The following KCNJ15 variants were observed in gnomAD, a reference collection of about 807,000 sequenced individuals.
KCNJ15 encodes the protein potassium inwardly rectifying channel subfamily J member 15.
KCNJ15 carries 14 observed loss-of-function variants against 23.0 expected under a neutral mutation model. That is an observed-to-expected ratio of 0.61 (90% CI 0.40 to 0.95). The LOEUF (loss-of-function observed/expected upper bound fraction) is 0.95, where lower values mean the gene tolerates loss of function less well. Among genes scored for constraint, KCNJ15 ranks in the 40% least tolerant of loss-of-function variants. The pLI, the probability that KCNJ15 is intolerant of heterozygous loss-of-function variation, is 0.00. For missense variants in KCNJ15, 388 were observed against 461.8 expected (o/e 0.84, Z 1.46); for synonymous variants, 185 against 183.2 (o/e 1.01, Z -0.08).
At chr21:38,263,070 T>C (rs1022283942) in intron 1 of KCNJ15, among the ~76,000 whole-genome samples, 2 of 152,186 alleles carry the variant, frequency 1.3e-5, no homozygotes, top group African/African-American at 2.4e-5. Flanking sequence ...GATAATCTGA[T>C]TACGGAAGAC....
At chr21:38,230,951 A>T (rs1055317381) in intron 1 of KCNJ15, among the ~76,000 whole-genome samples, 3 of 152,066 alleles carry the variant, frequency 2.0e-5, no homozygotes, top group Non-Finnish European at 4.4e-5. Flanking sequence ...CAGTTTCTAC[A>T]AAATAGCCAT....
chr21:38,295,980 T>G (rs1019458834), intron 1 of KCNJ15, among the ~76,000 whole-genome samples: 1 of 151,916 alleles, frequency 6.6e-6, no homozygotes, highest in African/African-American at 2.4e-5. Flanking sequence ...ATACTTTAAC[T>G]ATAAGAGAGT....
chr21:38,230,491 A>G (rs186081308), intron 1 of KCNJ15, among the ~76,000 whole-genome samples: 3 of 151,986 alleles, frequency 2.0e-5, no homozygotes, highest in Admixed American at 6.5e-5. Context: ...TCTTCTTTTC[A>G]CTTTCCTGAT....
chr21:38,239,031 G>T lies in KCNJ15; in HGVS notation c.-398-18015G>T, dbSNP rs562960542. 4.1e-4 allele frequency among the ~76,000 whole-genome samples: 62 copies of T among 152,282 alleles called. 1 individual carries two copies. Among genetic ancestry groups the T allele is most frequent in the Non-Finnish European group, 6.8e-4 (46 of 68,020 alleles). Reference sequence around the variant, plus strand: ...AAATGTCTGGGTGGTGATGAAGGGTGACTTGCAGAAGCACCATTTTCCATT... The same window carrying T: ...AAATGTCTGGGTGGTGATGAAGGGTTACTTGCAGAAGCACCATTTTCCATT... On this transcript the variant is annotated intron_variant, in intron 1 of 4. Transcript: ENST00000547341.
intron 1 of KCNJ15, among the ~76,000 whole-genome samples, chr21:38,286,332 A>G (rs1035310788): frequency 3.3e-5 from 5 of 152,176 alleles, no homozygotes; most frequent in African/African-American, 1.2e-4. Context: ...ATGAAGACCA[A>G]GCATTATGTA....
rs1464577447 is a variant in KCNJ15, at chr21:38,251,520, C to T, written c.-398-5526C>T. Among the ~76,000 whole-genome samples the T allele has an allele frequency of 2.6e-5, 4 of 152,260 alleles. No individual in the cohort carries two copies. In the East Asian group the frequency reaches 5.8e-4, roughly 22 times the overall value. The stretch of plus-strand genomic sequence containing the variant: ...CATACGGAGCCCCTATAGAGAGAGG[C>T]GGGCACTTCATGCACCCAACTTTTA... On this transcript the variant is annotated intron_variant, in intron 1 of 4. Transcript: ENST00000547341.
chr21:38,277,342 A>G (rs1034326651), intron 1 of KCNJ15, among the ~76,000 whole-genome samples: 2 of 152,208 alleles, frequency 1.3e-5, no homozygotes, highest in Non-Finnish European at 2.9e-5. Flanking sequence ...TGGTCACCAG[A>G]TGAATATAAA....
intron 1 of KCNJ15, among the ~76,000 whole-genome samples, chr21:38,279,070 A>T (rs1438664575): frequency 6.6e-6 from 1 of 152,220 alleles, no homozygotes; most frequent in African/African-American, 2.4e-5. Flanking sequence ...AAATGTGTGG[A>T]TCTAAACCAA....
intron 1 of KCNJ15, among the ~76,000 whole-genome samples, chr21:38,281,762 A>G (rs914024299): frequency 7.2e-5 from 11 of 152,344 alleles, no homozygotes; most frequent in Non-Finnish European, 1.2e-4. Context: ...GTAGAATGAT[A>G]TAGTTTCCTT....
upstream of KCNJ15, among the ~76,000 whole-genome samples, chr21:38,253,834 T>C (rs1980000456): frequency 6.6e-6 from 1 of 152,204 alleles, no homozygotes; most frequent in East Asian, 1.9e-4. Context: ...TCTATGCAAA[T>C]TTGACACAAC....
intron 1 of KCNJ15, among the ~76,000 whole-genome samples, chr21:38,231,725 GT>G (rs1336769086): frequency 6.6e-6 from 1 of 151,540 alleles, no homozygotes; most frequent in African/African-American, 2.4e-5. Flanking sequence ...ATGACCACGT[GT>G]TTTTTTGTTC....
At chr21:38,247,559 T>A (rs2123572128) in intron 1 of KCNJ15, among the ~76,000 whole-genome samples, 1 of 151,530 alleles carries the variant, frequency 6.6e-6, no homozygotes, top group Admixed American at 6.6e-5. Context: ...GATGGATGGA[T>A]GGATGGATGG....
At chr21:38,270,708 G>A (rs1366307944) in intron 1 of KCNJ15, among the ~76,000 whole-genome samples, 4 of 152,056 alleles carry the variant, frequency 2.6e-5, no homozygotes, top group Non-Finnish European at 2.9e-5. Flanking sequence ...ATGAACTTGT[G>A]ATCATCCCGT....
intron 1 of KCNJ15, among the ~76,000 whole-genome samples, chr21:38,269,766 G>A (rs1289804136): frequency 1.3e-5 from 2 of 152,186 alleles, no homozygotes; most frequent in Non-Finnish European, 2.9e-5. Context: ...GGGACAGAGA[G>A]CAAGTTTTGC....
chr21:38,247,130 A>G (rs529965846), intron 1 of KCNJ15, among the ~76,000 whole-genome samples: 38 of 144,812 alleles, frequency 2.6e-4, no homozygotes, highest in Non-Finnish European at 5.2e-4. Flanking sequence ...GGATGGATGC[A>G]TGGATGGATG....
At chr21:38,238,964 C>T (rs1362195209) in intron 1 of KCNJ15, among the ~76,000 whole-genome samples, 1 of 152,124 alleles carries the variant, frequency 6.6e-6, no homozygotes, top group Non-Finnish European at 1.5e-5. Flanking sequence ...TTGGGAAGAT[C>T]TGCAAGTTAA....
rs1403801555 is a variant in KCNJ15 at position 38,261,782 on chromosome 21, T to C, written c.-117+4597T>C. Among the ~76,000 whole-genome samples, 6 of 152,360 alleles carry C rather than the reference T, an allele frequency of 3.9e-5. No individual in the cohort carries two copies. The South Asian group carries it at 1.2e-3, about 32-fold the overall frequency. The stretch of plus-strand genomic sequence containing the variant: ...CCAACTTAAAACCTAAAGAACGTTA[T>C]GCTAGTTGTGCCACTAGACCCTAGA... On this transcript the variant is annotated intron_variant, in intron 1 of 2. Coordinates refer to ENST00000398938, the MANE Select transcript of KCNJ15 (RefSeq NM_170736.3).
chr21:38,242,424 G>A (rs1415685591), intron 1 of KCNJ15, among the ~76,000 whole-genome samples: 1 of 152,130 alleles, frequency 6.6e-6, no homozygotes, highest in Non-Finnish European at 1.5e-5. Flanking sequence ...ACCCCATGGT[G>A]CCTGCCACAC....
At chr21:38,288,018 G>GTTTTTTC (rs1569010852) in intron 1 of KCNJ15, among the ~76,000 whole-genome samples, 1 of 26,018 alleles carries the variant, frequency 3.8e-5, no homozygotes, top group African/African-American at 9.6e-5. Context: ...TAAATAACTT[G>GTTTTTTC]TTTTTTTCTT....
Sources: allele counts gnomAD v4.1 joint callset (sites outside exome capture counted in the v4.1 genomes callset), GRCh38; gene constraint gnomAD v4.1.1; transcripts MANE v1.5; gene names NCBI Gene and HGNC (gene_info 2026-07-23, HGNC 2026-07-21).